Variants in CD4 observed in about 807,000 individuals in gnomAD.
CD4 encodes T-cell surface glycoprotein CD4.
Under a neutral mutation model 50.5 loss-of-function variants are expected in CD4, and 25 were observed. The observed-to-expected ratio is 0.49, with a 90% CI of 0.36 to 0.69. The LOEUF is 0.69. Ranked by LOEUF, CD4 falls within the 30% of genes least tolerant of loss-of-function variation. The pLI is 0.00. For missense variants in CD4, 456 were observed against 548.5 expected (o/e 0.83, Z 1.68); for synonymous variants, 207 against 221.9 (o/e 0.93, Z 0.60).
At chr12:6,808,191 A>G (rs782046569) in intron 3 of CD4, among the ~76,000 whole-genome samples, 1 of 151,436 alleles carries the variant, frequency 6.6e-6, no homozygotes, top group Admixed American at 6.7e-5. Flanking sequence ...GCAGTGGCTC[A>G]CGCCTGTAAT....
chr12:6,794,592 G>A (rs1393295587), intron 1 of CD4, among the ~76,000 whole-genome samples: 2 of 151,616 alleles, frequency 1.3e-5, no homozygotes, highest in African/African-American at 2.4e-5. Context: ...GGCTGGTCTC[G>A]TACTCCCGAC....
chr12:6,793,971 T>TATCTATCTATCTATC (rs1555114034), intron 1 of CD4, among the ~76,000 whole-genome samples: 15 of 126 alleles, frequency 0.12, no homozygotes, highest in African/African-American at 0.29. Context: ...TATCTATCTA[T>TATCTATCTATCTATC]ATCTATCTAT....
At chr12:6,805,945 C>T (rs116040056) in intron 3 of CD4, among the ~76,000 whole-genome samples, 3 of 151,792 alleles carry the variant, frequency 2.0e-5, no homozygotes, top group African/African-American at 7.3e-5. Flanking sequence ...CAAAGGGAGA[C>T]CCTGTCTCAA....
chr12:6,794,716 T>G (rs1942310651), intron 1 of CD4, among the ~76,000 whole-genome samples: 1 of 151,588 alleles, frequency 6.6e-6, no homozygotes, highest in South Asian at 2.1e-4. Flanking sequence ...CTAATTCATC[T>G]ATTTTATCTG....
Position 6,798,380 on chromosome 12 carries a change from A to G in CD4, c.-67-1692A>G, listed in dbSNP as rs558056529. On this transcript the variant is annotated intron_variant, in intron 1 of 9. Transcript: ENST00000011653. ...GTAGAGATGGGGTTTCACCGTGTTC[A>G]CCAGGATGGTCTCGATCTCCTGACC... 8.6e-4 allele frequency among the ~76,000 whole-genome samples: 89 copies of G among 103,634 alleles called. 15 individuals are homozygous for G. Among genetic ancestry groups the G allele is most frequent in the South Asian group, 6.1e-3 (26 of 4,288 alleles). 68.0% of individuals were successfully genotyped at this position (103,634 alleles called of 152,430 possible). A position where few individuals can be genotyped will look rare whatever the true frequency, so the allele number is the denominator to read the frequency against.
intron 3 of CD4, 36 bp from the exon 4 acceptor site, chr12:6,814,106 C>A (rs782414672): frequency 6.3e-7 from 1 of 1,592,896 alleles, no homozygotes; most frequent in Non-Finnish European, 8.6e-7. Flanking sequence ...GTCTCCAGGG[C>A]GCCTCAGTCC....
intron 3 of CD4, among the ~76,000 whole-genome samples, chr12:6,809,154 A>G (rs1942857985): frequency 6.6e-6 from 1 of 151,988 alleles, no homozygotes; most frequent in Non-Finnish European, 1.5e-5. Context: ...CTCTGCTTCA[A>G]TCCCTGGTTT....
chr12:6,818,602 A>G lies in CD4; in HGVS notation c.1278+60A>G. On this transcript the variant is annotated intron_variant, in intron 8 of 9. Coordinates refer to ENST00000011653, the MANE Select transcript of CD4 (RefSeq NM_000616.5). The surrounding 1 kb of genome is among the most constrained non-coding windows in gnomAD (Gnocchi z 5.0). ...TCAAACCCCTGAGTCCTCTACCAGG[A>G]GATCCTGTATATGGGAACTGATTTT... The G allele has an allele frequency of 1.2e-6, 2 of 1,602,278 alleles. No homozygotes were observed. Among genetic ancestry groups the G allele is most frequent in the South Asian group, 2.2e-5 (2 of 90,522 alleles).
intron 1 of CD4, among the ~76,000 whole-genome samples, chr12:6,790,899 G>C (rs984165959): frequency 7.9e-5 from 12 of 152,186 alleles, no homozygotes; most frequent in African/African-American, 1.9e-4. Flanking sequence ...CATTTTTATC[G>C]GGGCAAGGCT....
intron 3 of CD4, among the ~76,000 whole-genome samples, chr12:6,813,094 A>G (rs887570285): frequency 6.6e-6 from 1 of 151,598 alleles, no homozygotes; most frequent in Non-Finnish European, 1.5e-5. Context: ...TTTTTGAGAC[A>G]GAGTCTCACT....
At position 6,814,931 on chromosome 12, in the gene CD4, G is replaced by A; in HGVS notation, c.546G>A (p.Trp182Ter). The A allele has an allele frequency of 6.2e-7, 1 of 1,613,720 alleles. No homozygotes were observed. Among genetic ancestry groups the A allele is most frequent in the Middle Eastern group, 1.7e-4 (1 of 6,058 alleles). ...SQLELQDSGT[W>*]TCTVLQNQKK... is the part of the protein sequence containing the mutation. ...TGGAGCTCCAGGATAGTGGCACCTG[G>A]ACATGCACTGTCTTGCAGAACCAGA... is the stretch of plus-strand genomic sequence containing the variant. The change falls in exon 5 of 10, where the codon TGG becomes TGA. Residue 182 changes from tryptophan (W) to a stop codon, truncating the protein, a stop_gained. Transcript: ENST00000011653. LOFTEE classifies it high-confidence loss of function.
intron 3 of CD4, among the ~76,000 whole-genome samples, chr12:6,804,179 C>T (rs1942657056): frequency 2.5e-4 from 1 of 4,036 alleles, no homozygotes; most frequent in African/African-American, 3.0e-4. Context: ...CACACACACA[C>T]ACACACACAC....
chr12:6,811,740 G>A (rs1942945986), intron 3 of CD4, among the ~76,000 whole-genome samples: 1 of 149,932 alleles, frequency 6.7e-6, no homozygotes, highest in African/African-American at 2.5e-5. Flanking sequence ...TTGAACTCCT[G>A]ACCTCAAGTG....
chr12:6,818,097 C>T lies in CD4; in HGVS notation c.1157-324C>T, dbSNP rs782426714. ...TCACACATGGACTCACACGCGCACA[C>T]GCGCGCACACACACACATTCACACC... is the stretch of plus-strand genomic sequence containing the variant. On this transcript the variant is annotated intron_variant, in intron 7 of 9. Coordinates refer to ENST00000011653, the MANE Select transcript of CD4 (RefSeq NM_000616.5). The surrounding 1 kb of genome is among the most constrained non-coding windows in gnomAD (Gnocchi z 5.0). Among the ~76,000 whole-genome samples the T allele has an allele frequency of 1.4e-4, 6 of 42,984 alleles. No individual in the cohort carries two copies. The highest frequency in any genetic ancestry group is 3.0e-4 in the Admixed American group (1 of 3,302). 28.2% of individuals were successfully genotyped at this position (42,984 alleles called of 152,430 possible).
intron 1 of CD4, among the ~76,000 whole-genome samples, chr12:6,794,502 G>A (rs1942304807): frequency 6.6e-6 from 1 of 151,306 alleles, no homozygotes; most frequent in South Asian, 2.1e-4. Context: ...CTCCCAAGTA[G>A]CTGAGATTAC....
intron 1 of CD4, among the ~76,000 whole-genome samples, chr12:6,790,721 C>T (rs114210333): frequency 0.011 from 1,698 of 152,322 alleles, 30 homozygotes; most frequent in African/African-American, 0.037. Context: ...GCCTTGAAGC[C>T]GTGCTATCCC....
intron 3 of CD4, 22 bp from the exon 4 acceptor site, chr12:6,814,120 C>CA: frequency 6.2e-7 from 1 of 1,610,872 alleles, no homozygotes; most frequent in South Asian, 1.1e-5. Context: ...TCAGTCCCCC[C>CA]CCATATGTCT....
chr12:6,819,334 C>G lies in CD4; in HGVS notation c.*5C>G, dbSNP rs202082987. On this transcript the variant is annotated 3_prime_UTR_variant, in exon 10 of 10. Coordinates refer to ENST00000011653, the MANE Select transcript of CD4 (RefSeq NM_000616.5). ...AAGACATGTAGCCCCATTTGAGGCA[C>G]GAGGCCAGGCAGATCCCACTTGCAG... is the stretch of plus-strand genomic sequence containing the variant. The G allele has an allele frequency of 1.9e-6, 3 of 1,614,016 alleles. No homozygotes were observed. The highest frequency in any genetic ancestry group is 1.7e-6 in the Non-Finnish European group (2 of 1,179,900).
At chr12:6,814,713 C>T (rs200102296) in intron 4 of CD4, 46 bp from the exon 5 acceptor site, 122 of 1,387,052 alleles carry the variant, frequency 8.8e-5, no homozygotes, top group Non-Finnish European at 1.2e-4. Context: ...TGCCCTTCTC[C>T]TTGGGGATGG....
Sources: gnomAD v4.1 joint callset for allele counts (sites outside exome capture counted in the v4.1 genomes callset) on GRCh38, gnomAD v4.1.1 for gene constraint, Gnocchi (gnomAD v3.1) non-coding constraint, MANE v1.5 for transcripts, NCBI Gene and HGNC (gene_info 2026-07-23, HGNC 2026-07-21) for gene names.